The following ZNF227 variants were observed in gnomAD, a reference collection of about 807,000 sequenced individuals.
ZNF227 encodes the protein zinc finger protein 227.
A neutral mutation model predicts 13.2 loss-of-function variants in ZNF227; 12 were observed. That is an observed-to-expected ratio of 0.91 (90% CI 0.58 to 1.47). The LOEUF (loss-of-function observed/expected upper bound fraction) is 1.47. Ranked by LOEUF, ZNF227 falls within the 40% of genes most tolerant of loss-of-function variation. The pLI, the probability that ZNF227 is intolerant of heterozygous loss-of-function variation, is 0.00. For missense variants in ZNF227, 885 were observed against 967.5 expected (o/e 0.91, Z 1.13); for synonymous variants, 338 against 326.0 (o/e 1.04, Z -0.40).
chr19:44,236,242 T>C lies in ZNF227; in HGVS notation c.1812T>C (p.Tyr604=). The C allele has an allele frequency of 1.2e-6, 2 of 1,613,900 alleles. No individual in the cohort carries two copies. Among genetic ancestry groups the C allele is most frequent in the Non-Finnish European group, 1.7e-6 (2 of 1,179,962 alleles). ...HQRVHSGEKP[Y]KCEQCDKSFS... is the part of the protein sequence containing the mutation. ...GAGTTCACTCAGGAGAAAAACCCTA[T>C]AAATGTGAGCAGTGTGATAAGAGCT... is the stretch of plus-strand genomic sequence containing the variant. Residue 604 remains tyrosine, a synonymous_variant, in exon 6 of 6, where the codon TAT becomes TAC. Coordinates refer to ENST00000313040, the MANE Select transcript of ZNF227 (RefSeq NM_182490.3).
At chr19:44,222,328 C>T (rs1270242251) in intron 3 of ZNF227, among the ~76,000 whole-genome samples, 1 of 152,114 alleles carries the variant, frequency 6.6e-6, no homozygotes, top group African/African-American at 2.4e-5. Context: ...ATGGGGATGG[C>T]ATTGAATCTA....
rs200636899 is a variant in ZNF227, at chr19:44,216,208, CTCT to C, written c.-2-1580_-2-1578del. ...TTTAGGGTTCACATGGTTATAAATT[CTCT>C]TCATTTTTTTTTTCAGCTAAAATAT... On this transcript the variant is annotated intron_variant, in intron 2 of 5. Coordinates refer to ENST00000313040, the MANE Select transcript of ZNF227 (RefSeq NM_182490.3). Among the ~76,000 whole-genome samples the C allele has an allele frequency of 8.1e-3, 1,220 of 151,288 alleles. 20 individuals carry two copies. The highest frequency in any genetic ancestry group is 0.028 in the African/African-American group (1,147 of 41,212).
In ZNF227 at chr19:44,228,284, T is replaced by C. The variant is rs1324537199; in HGVS notation, c.61-162T>C. 5 of 732,864 alleles carry C rather than the reference T, an allele frequency of 6.8e-6. No individual in the cohort carries two copies. In the East Asian group the frequency reaches 8.7e-5, roughly 13 times the overall value. The allele number at this position is 732,864 out of a possible 1,614,324, so 45.4% of individuals were successfully genotyped here. On this transcript the variant is annotated intron_variant, in intron 3 of 5. Coordinates refer to ENST00000313040, the MANE Select transcript of ZNF227 (RefSeq NM_182490.3). Reference sequence around the variant, plus strand: ...ACTACAGGCTTTATGGGGATGAGCGTAGGAGATAGTGAGACAGGGAAAACT... The same window carrying C: ...ACTACAGGCTTTATGGGGATGAGCGCAGGAGATAGTGAGACAGGGAAAACT...
chr19:44,226,808 C>T (rs1973216337), intron 3 of ZNF227, among the ~76,000 whole-genome samples: 1 of 152,182 alleles, frequency 6.6e-6, no homozygotes, highest in Non-Finnish European at 1.5e-5. Context: ...CTGGCACTCC[C>T]TAGTGAGATG....
chr19:44,215,884 A>G (rs559096858), intron 2 of ZNF227, among the ~76,000 whole-genome samples: 21 of 150,862 alleles, frequency 1.4e-4, no homozygotes, highest in Non-Finnish European at 2.7e-4. Context: ...GCTACTCAGG[A>G]GGCTGAGGTG....
At chr19:44,232,505 C>T (rs1599841518) in intron 5 of ZNF227, among the ~76,000 whole-genome samples, 1 of 152,098 alleles carries the variant, frequency 6.6e-6, no homozygotes, top group East Asian at 1.9e-4. Context: ...AAAAAAGATA[C>T]ATGTTGGAAG....
At chr19:44,219,044 C>T (rs931625653) in intron 3 of ZNF227, among the ~76,000 whole-genome samples, 3 of 152,184 alleles carry the variant, frequency 2.0e-5, no homozygotes, top group Non-Finnish European at 4.4e-5. Context: ...TGTACCAGCA[C>T]GCCTGGCTAA....
chr19:44,215,653 T>C (rs1971801789), intron 2 of ZNF227, among the ~76,000 whole-genome samples: 1 of 152,048 alleles, frequency 6.6e-6, no homozygotes, highest in Non-Finnish European at 1.5e-5. Flanking sequence ...TTAATCAGCA[T>C]GTGTTCTTAT....
chr19:44,218,323 T>A (rs1197363935), intron 3 of ZNF227, among the ~76,000 whole-genome samples: 1 of 152,234 alleles, frequency 6.6e-6, no homozygotes, highest in Non-Finnish European at 1.5e-5. Flanking sequence ...GTAAATCCAG[T>A]GACTTTTTTC....
Position 44,223,613 on chromosome 19 carries a change from C to T in ZNF227, c.61-4833C>T, listed in dbSNP as rs548769492. Among the ~76,000 whole-genome samples, 4 of 152,192 alleles carry T rather than the reference C, an allele frequency of 2.6e-5. No individual in the cohort carries two copies. The East Asian group carries it at 7.7e-4, about 29-fold the overall frequency. On this transcript the variant is annotated intron_variant, in intron 3 of 5. Coordinates refer to ENST00000313040, the MANE Select transcript of ZNF227 (RefSeq NM_182490.3). ...TTTCTGTGGGATCAGTGGTGATATC[C>T]CATTTATCATTTTTTATTGGGTCTA...
intron 2 of ZNF227, among the ~76,000 whole-genome samples, chr19:44,215,454 ATTTT>A (rs34991562): frequency 1.4e-5 from 2 of 144,194 alleles, no homozygotes; most frequent in East Asian, 2.0e-4. Context: ...TATATGTATA[ATTTT>A]TTTTTTTTTA....
intron 3 of ZNF227, among the ~76,000 whole-genome samples, chr19:44,219,410 G>C (rs1266800130): frequency 6.6e-6 from 1 of 152,068 alleles, no homozygotes; most frequent in African/African-American, 2.4e-5. Flanking sequence ...ATTAGGTAAA[G>C]GTCTAATAGC....
intron 1 of ZNF227, chr19:44,212,803 C>T (rs1374511886): frequency 6.6e-6 from 1 of 152,172 alleles, no homozygotes; most frequent in Non-Finnish European, 1.5e-5. Flanking sequence ...GATCCGCGCT[C>T]CTGTTTCCTC....
intron 5 of ZNF227, among the ~76,000 whole-genome samples, chr19:44,230,828 A>G (rs1973699871): frequency 1.3e-5 from 2 of 148,396 alleles, no homozygotes; most frequent in South Asian, 4.2e-4. Context: ...TCCTGGCTAC[A>G]TGGGAGGCTG....
At chr19:44,211,209 AC>A (rs1295928775), upstream of ZNF227, among the ~76,000 whole-genome samples, 2 of 51,590 alleles carry the variant, frequency 3.9e-5, no homozygotes, top group Admixed American at 2.3e-4. Context: ...TCTAACAACA[AC>A]AACAACAACA....
At chr19:44,220,415 A>G (rs1174852418) in intron 3 of ZNF227, among the ~76,000 whole-genome samples, 9 of 151,590 alleles carry the variant, frequency 5.9e-5, no homozygotes, top group Non-Finnish European at 5.9e-5. Flanking sequence ...AAGTGTTGCT[A>G]TTTCTCCACA....
At chr19:44,229,484 T>C (rs1165155571) in intron 4 of ZNF227, among the ~76,000 whole-genome samples, 1 of 152,078 alleles carries the variant, frequency 6.6e-6, no homozygotes, top group African/African-American at 2.4e-5. Context: ...TGGTGGCAGG[T>C]GCCTGTAATC....
In ZNF227 at chr19:44,235,734, C is replaced by T. The variant is rs765318193; in HGVS notation, c.1304C>T (p.Pro435Leu). 4 of 1,613,838 alleles carry T rather than the reference C, an allele frequency of 2.5e-6. No homozygotes were observed. Among genetic ancestry groups the T allele is most frequent in the Admixed American group, 3.3e-5 (2 of 59,982 alleles). The change falls in exon 6 of 6, where the codon CCC (proline) becomes CTC (leucine). Residue 435 changes from proline (P) to leucine (L), a missense_variant. Pro to Leu is a moderately conservative substitution (Grantham distance 98). Coordinates refer to ENST00000313040, the MANE Select transcript of ZNF227 (RefSeq NM_182490.3). ...IHQRVHTGEKPYKCDVCGKGF... is the reference protein window; with the variant it reads ...IHQRVHTGEKLYKCDVCGKGF... Reference sequence around the variant, plus strand: ...CAGAGAGTCCACACTGGAGAGAAACCCTACAAGTGTGATGTGTGTGGTAAG... The same window carrying T: ...CAGAGAGTCCACACTGGAGAGAAACTCTACAAGTGTGATGTGTGTGGTAAG...
At chr19:44,215,477 T>TG (rs1491349766) in intron 2 of ZNF227, among the ~76,000 whole-genome samples, 5 of 151,502 alleles carry the variant, frequency 3.3e-5, no homozygotes, top group Non-Finnish European at 1.5e-5. Flanking sequence ...TAGTGCAGTC[T>TG]GGGATAATTT....
Sources: gnomAD v4.1 joint callset for allele counts (sites outside exome capture counted in the v4.1 genomes callset) on GRCh38, gnomAD v4.1.1 for gene constraint, MANE v1.5 for transcripts, NCBI Gene and HGNC (gene_info 2026-07-23, HGNC 2026-07-21) for gene names.